Variants in LTBP1 observed in about 807,000 individuals in gnomAD.
The protein encoded by LTBP1 is latent transforming growth factor beta binding protein 1, also known as latent-transforming growth factor beta-binding protein 1.
Under a neutral mutation model 207.6 loss-of-function variants are expected in LTBP1, and 129 were observed. The ratio of observed to expected loss-of-function variants is 0.62; its 90% CI spans 0.54 to 0.72. The LOEUF is 0.72. LTBP1 is among the 30% of genes least tolerant of loss of function. LTBP1 has a pLI of 0.00. For synonymous variants in LTBP1, 963 were observed against 833.7 expected (o/e 1.16, Z -2.67); for missense variants, 2,281 against 2,217.2 (o/e 1.03, Z -0.58).
intron 18 of LTBP1, among the ~76,000 whole-genome samples, chr2:33,279,010 A>T (rs2093503108): frequency 6.6e-6 from 1 of 152,220 alleles, no homozygotes. Flanking sequence ...TAGACATCAC[A>T]TACCCATGGA....
At chr2:33,167,584 G>T (rs2085042914) in intron 5 of LTBP1, among the ~76,000 whole-genome samples, 2 of 152,234 alleles carry the variant, frequency 1.3e-5, no homozygotes. Context: ...GCAGGGAGTG[G>T]GAGCTTCCAG....
intron 20 of LTBP1, among the ~76,000 whole-genome samples, chr2:33,296,649 G>C (rs1337765667): frequency 1.3e-5 from 2 of 152,050 alleles, no homozygotes; most frequent in Admixed American, 6.6e-5. Flanking sequence ...GGGAAAGATT[G>C]GTTGGGGAGA....
At chr2:33,078,998 A>C (rs1322715910) in intron 3 of LTBP1, among the ~76,000 whole-genome samples, 1 of 151,586 alleles carries the variant, frequency 6.6e-6, no homozygotes, top group Non-Finnish European at 1.5e-5. Flanking sequence ...AGCTGGGATT[A>C]CAGGCGCACA....
chr2:33,158,700 A>G (rs1171641533), intron 5 of LTBP1, among the ~76,000 whole-genome samples: 1 of 152,206 alleles, frequency 6.6e-6, no homozygotes, highest in African/African-American at 2.4e-5. Context: ...ATTCATATGT[A>G]TTACCCAGAA....
intron 18 of LTBP1, among the ~76,000 whole-genome samples, chr2:33,278,932 C>T (rs1309499711): frequency 1.3e-5 from 2 of 152,184 alleles, no homozygotes; most frequent in East Asian, 3.8e-4. Flanking sequence ...AACTTTTTCA[C>T]TTTAAGTATC....
At chr2:33,390,351 C>T (rs539076319) in intron 32 of LTBP1, among the ~76,000 whole-genome samples, 22 of 152,268 alleles carry the variant, frequency 1.4e-4, no homozygotes, top group African/African-American at 4.8e-4. Context: ...AATTTGAAGT[C>T]TGAAACAGCA....
intron 2 of LTBP1, among the ~76,000 whole-genome samples, chr2:32,990,470 C>G (rs1684235937): frequency 6.6e-6 from 1 of 152,176 alleles, no homozygotes; most frequent in Non-Finnish European, 1.5e-5. Flanking sequence ...TAGAAACACA[C>G]TGGGTGAGTT....
At chr2:33,036,638 A>G (rs1171800093) in intron 3 of LTBP1, among the ~76,000 whole-genome samples, 1 of 151,904 alleles carries the variant, frequency 6.6e-6, no homozygotes, top group African/African-American at 2.4e-5. Context: ...TTGTATTTTT[A>G]GTAGAGACGG....
At chr2:33,175,693 A>G (rs1379612295) in intron 5 of LTBP1, among the ~76,000 whole-genome samples, 3 of 152,176 alleles carry the variant, frequency 2.0e-5, no homozygotes, top group Admixed American at 6.5e-5. Context: ...TGCTATGAAG[A>G]CACATGCACA....
intron 23 of LTBP1, among the ~76,000 whole-genome samples, chr2:33,310,139 G>A (rs2094162312): frequency 1.3e-5 from 2 of 151,854 alleles, no homozygotes; most frequent in Admixed American, 6.6e-5. Context: ...CTGGAGACGG[G>A]GGTTTCACCA....
Position 33,110,630 on chromosome 2 carries a change from C to T in LTBP1, c.912C>T (p.Thr304=). ...SQSVVIHHGQ[T]QEYVLKPKYF... is the part of the protein sequence containing the mutation. Reference sequence around the variant, plus strand: ...GTGTGGTGATTCACCATGGCCAGACCCAGGAATACGTGCTCAAGCCCAAGT... The same window carrying T: ...GTGTGGTGATTCACCATGGCCAGACTCAGGAATACGTGCTCAAGCCCAAGT... The change falls in exon 4 of 34, where the codon ACC becomes ACT. Residue 304 remains threonine, a synonymous_variant. Coordinates refer to ENST00000404816, the MANE Select transcript of LTBP1 (RefSeq NM_206943.4). The T allele has an allele frequency of 1.2e-6, 2 of 1,614,090 alleles. No individual in the cohort carries two copies. The highest frequency in any genetic ancestry group is 1.7e-6 in the Non-Finnish European group (2 of 1,180,014).
chr2:33,351,810 T>A (rs1407774425), intron 26 of LTBP1, among the ~76,000 whole-genome samples: 2 of 152,214 alleles, frequency 1.3e-5, no homozygotes, highest in Non-Finnish European at 2.9e-5. Context: ...CTTGGACTAG[T>A]CTTTTCCTGT....
At chr2:33,164,791 C>A (rs774423838) in intron 5 of LTBP1, among the ~76,000 whole-genome samples, 1 of 152,166 alleles carries the variant, frequency 6.6e-6, no homozygotes, top group Non-Finnish European at 1.5e-5. Context: ...CTACTTAGGG[C>A]ATTCACAGCA....
chr2:32,995,297 A>G (rs1349802814), intron 2 of LTBP1, among the ~76,000 whole-genome samples: 1 of 152,132 alleles, frequency 6.6e-6, no homozygotes, highest in Non-Finnish European at 1.5e-5. Context: ...ACTAATGTGC[A>G]TAGGAATCTC....
rs956671083 is a variant in LTBP1 at position 33,194,147 on chromosome 2, C to T, written c.1701+5296C>T. Among the ~76,000 whole-genome samples, 21 of 152,112 alleles carry T rather than the reference C, an allele frequency of 1.4e-4. No homozygotes were observed. In the South Asian group the frequency reaches 1.5e-3, roughly 11 times the overall value. On this transcript the variant is annotated intron_variant, in intron 7 of 33. Coordinates refer to ENST00000404816, the MANE Select transcript of LTBP1 (RefSeq NM_206943.4). ...GACAACAGGCGCCCGCCACCACGCC[C>T]GGGTAATTTTTGTATTTTTATTAGA...
chr2:33,032,510 A>G (rs1203789492), intron 3 of LTBP1, among the ~76,000 whole-genome samples: 1 of 152,210 alleles, frequency 6.6e-6, no homozygotes, highest in African/African-American at 2.4e-5. Context: ...TTTAGGTGAC[A>G]GAAGTCCTAC....
intron 15 of LTBP1, among the ~76,000 whole-genome samples, chr2:33,268,722 C>T (rs943629146): frequency 4.6e-5 from 7 of 152,212 alleles, no homozygotes; most frequent in African/African-American, 1.7e-4. Flanking sequence ...ACATCTGTTT[C>T]AATTGTTGTG....
chr2:33,239,864 G>A (rs886473875), intron 9 of LTBP1, among the ~76,000 whole-genome samples: 8 of 151,616 alleles, frequency 5.3e-5, no homozygotes, highest in Non-Finnish European at 1.0e-4. Flanking sequence ...AGATTGTGCC[G>A]CTGTACTCCA....
intron 31 of LTBP1, among the ~76,000 whole-genome samples, chr2:33,366,346 G>A (rs2094987540): frequency 6.6e-6 from 1 of 152,180 alleles, no homozygotes; most frequent in South Asian, 2.1e-4. Context: ...CAGAATGGTC[G>A]AGAGGGGAAA....
Sources: gnomAD v4.1 joint callset for allele counts (sites outside exome capture counted in the v4.1 genomes callset) on GRCh38, gnomAD v4.1.1 for gene constraint, MANE v1.5 for transcripts, NCBI Gene and HGNC (gene_info 2026-07-23, HGNC 2026-07-21) for gene names.